Variants in BICDL2 observed in about 807,000 individuals in gnomAD.
BICDL2 encodes BICD family-like cargo adapter 2.
In BICDL2, 62 loss-of-function variants were observed where a neutral mutation model predicts 56.6. The observed-to-expected ratio is 1.10, with a 90% CI of 0.89 to 1.35. The LOEUF is 1.35. BICDL2 is among the 40% of genes most tolerant of loss of function. BICDL2 has a pLI of 0.00. For synonymous variants in BICDL2, 358 were observed against 319.8 expected (o/e 1.12, Z -1.27); for missense variants, 808 against 684.5 (o/e 1.18, Z -2.01).
chr16:3,036,346 G>C, intron 1 of BICDL2: 2 of 442,458 alleles, frequency 4.5e-6, no homozygotes, highest in Non-Finnish European at 4.5e-6. Flanking sequence ...CCTGGGGACG[G>C]GAGCCCTGGG....
chr16:3,029,590 G>C lies in BICDL2; in HGVS notation c.912C>G (p.Asp304Glu). Residue 304 changes from aspartate (D) to glutamate (E), a missense_variant, in exon 6 of 10, where the codon GAC (aspartate) becomes GAG (glutamate). Asp to Glu is a conservative substitution (Grantham distance 45). Transcript: ENST00000572449. The stretch of plus-strand genomic sequence containing the variant: ...CGGCGCCCTGGCCCTGGTCGCCGTC[G>C]TCGAGGCTGTGGGCCAGTTCTGACT... ...SLQSELAHSL[D>E]DGDQGQGADA... is the part of the protein sequence containing the mutation. 3.2e-6 allele frequency: 5 copies of C among 1,543,640 alleles called. No individual in the cohort carries two copies. The highest frequency in any genetic ancestry group is 4.4e-6 in the Non-Finnish European group (5 of 1,148,444).
At chr16:3,031,390 GA>G in intron 2 of BICDL2, 1 of 571,660 alleles carries the variant, frequency 1.7e-6, no homozygotes, top group Non-Finnish European at 3.1e-6. Context: ...GGGGTGGGGG[GA>G]TCTCTGATGA....
rs563454670 is a variant in BICDL2 at position 3,027,889 on chromosome 16, CT to C, written c.*216del. ...ACGTATATTAATTCGGAAAATAGCT[CT>C]GTTCACCTGCCCCTGCCACCCACCT... On this transcript the variant is annotated 3_prime_UTR_variant, in exon 10 of 10. Coordinates refer to ENST00000572449, the MANE Select transcript of BICDL2 (RefSeq NM_001369667.1). 4.2e-3 allele frequency: 3,452 copies of C among 824,198 alleles called. 12 individuals carry two copies. The highest frequency in any genetic ancestry group is 5.7e-3 in the Non-Finnish European group (3,178 of 561,736). The allele number at this position is 824,198 out of a possible 1,614,324, so 51.1% of individuals were successfully genotyped here.
rs1386871209 is a variant in BICDL2, at chr16:3,027,950, G to A, written c.*156C>T. The A allele has an allele frequency of 3.4e-6, 4 of 1,167,910 alleles. No individual in the cohort carries two copies. Among genetic ancestry groups the A allele is most frequent in the East Asian group, 2.9e-5 (1 of 33,938 alleles). The allele number at this position is 1,167,910 out of a possible 1,614,324, so 72.3% of individuals were successfully genotyped here. On this transcript the variant is annotated 3_prime_UTR_variant, in exon 10 of 10. Coordinates refer to ENST00000572449, the MANE Select transcript of BICDL2 (RefSeq NM_001369667.1). ...GCCCCACAAAGCTGGCCCCTGCTCC[G>A]GATGAGCCCCTGCTCCCGATGAGCC...
Position 3,035,346 on chromosome 16 carries a change from C to G in BICDL2, c.151G>C (p.Ala51Pro). Residue 51 changes from alanine (A) to proline (P), a missense_variant, in exon 2 of 10, where the codon GCC becomes CCC. Coordinates refer to ENST00000572449, the MANE Select transcript of BICDL2 (RefSeq NM_001369667.1). ...GPGPEEPEDLALQLQQKEKDL... is the reference protein window; with the variant it reads ...GPGPEEPEDLPLQLQQKEKDL... ...TTCTCCTTCTGCTGCAGCTGCAAGG[C>G]TAGGTCCTCGGGCTCCTCAGGCCCT... 1 of 1,600,122 alleles carries G rather than the reference C, an allele frequency of 6.2e-7. No individual in the cohort carries two copies. The highest frequency in any genetic ancestry group is 1.1e-5 in the South Asian group (1 of 89,040).
chr16:3,030,512 T>C lies in BICDL2; in HGVS notation c.699A>G (p.Arg233=), dbSNP rs535770990. 2.5e-6 allele frequency: 4 copies of C among 1,603,712 alleles called. No homozygotes were observed. In the African/African-American group the frequency reaches 4.0e-5, roughly 16 times the overall value. Residue 233 remains arginine, a synonymous_variant, in exon 5 of 10, where the codon AGA becomes AGG. Coordinates refer to ENST00000572449, the MANE Select transcript of BICDL2 (RefSeq NM_001369667.1). ...LREEVEKGEG[R]LQTTHEELLL... ...GCAACTCCTCGTGGGTGGTCTGCAG[T>C]CTGCCCTCACCCTTCTCCACCTCCT...
chr16:3,030,466 G>T lies in BICDL2; in HGVS notation c.745C>A (p.Arg249=). The T allele has an allele frequency of 6.2e-7, 1 of 1,601,608 alleles. No individual in the cohort carries two copies. ...EELLLLRRER[R]EHSLELERAR... Reference sequence around the variant, plus strand: ...CAGGTCACCTCCAGGCTGTGCTCCCGCCGCTCCCGCCTCAGCAGCAGCAAC... The same window carrying T: ...CAGGTCACCTCCAGGCTGTGCTCCCTCCGCTCCCGCCTCAGCAGCAGCAAC... Residue 249 remains arginine (R), a synonymous_variant, in exon 5 of 10, where the codon CGG becomes AGG. Transcript: ENST00000572449.
At position 3,035,177 on chromosome 16, in the gene BICDL2, G is replaced by GTCCCCCCCC; in HGVS notation, c.282+37_282+38insGGGGGGGGA. ...TCTCCAGGCCCACCCGTCCTCCCCT[G>GTCCCCCCCC]CCCACCCACCCACCCACCCCGTCCA... On this transcript the variant is annotated intron_variant, in intron 2 of 9. Transcript: ENST00000572449. 5.9e-5 allele frequency: 7 copies of GTCCCCCCCC among 118,826 alleles called. 1 individual carries two copies. Among genetic ancestry groups the GTCCCCCCCC allele is most frequent in the Admixed American group, 1.4e-4 (1 of 7,324 alleles). 7.4% of individuals were successfully genotyped at this position (118,826 alleles called of 1,614,324 possible). A position where few individuals can be genotyped will look rare whatever the true frequency, so the allele number is the denominator to read the frequency against.
chr16:3,028,658 C>G (rs748824558), intron 8 of BICDL2, 42 bp downstream of exon 8: 27 of 1,551,138 alleles, frequency 1.7e-5, no homozygotes, highest in East Asian at 2.4e-5. Flanking sequence ...CCCAGGAGGG[C>G]CCAGAGGGCG....
intron 2 of BICDL2, among the ~76,000 whole-genome samples, chr16:3,033,164 G>A (rs1296651031): frequency 6.6e-6 from 1 of 152,118 alleles, no homozygotes; most frequent in African/African-American, 2.4e-5. Flanking sequence ...AATTAGCTGG[G>A]CTTGGTGGCG....
rs764297433 is a variant in BICDL2, at chr16:3,028,403, A to G, written c.1304T>C (p.Leu435Pro). 7.7e-6 allele frequency: 12 copies of G among 1,554,096 alleles called. No homozygotes were observed. The highest frequency in any genetic ancestry group is 2.2e-4 in the Middle Eastern group (1 of 4,562). The change falls in exon 9 of 10, where the codon CTG (leucine) becomes CCG (proline). Residue 435 changes from leucine to proline, a missense_variant. Coordinates refer to ENST00000572449, the MANE Select transcript of BICDL2 (RefSeq NM_001369667.1). ...CACCTTCTGGCGGATGGCGCGCAGCAGCTCCCGAGACAGGGAGTCTCGCTC... is the reference window on the plus strand; with the variant it reads ...CACCTTCTGGCGGATGGCGCGCAGCGGCTCCCGAGACAGGGAGTCTCGCTC... Reference protein sequence around the residue: ...SLERDSLSRELLRAIRQKVAL... With the variant: ...SLERDSLSREPLRAIRQKVAL...
In BICDL2 at chr16:3,035,298, G is replaced by A; in HGVS notation, c.199C>T (p.Leu67Phe). The change falls in exon 2 of 10, where the codon CTC becomes TTC. Residue 67 changes from leucine to phenylalanine, a missense_variant. Physicochemically the swap from Leu to Phe is conservative, Grantham distance 22. Transcript: ENST00000572449. The stretch of plus-strand genomic sequence containing the variant: ...TTTCGCTCCAGAAGCATCTTGCCGA[G>A]CTCCGCGGCCAACAGCAGGTCTTTC... ...KEKDLLLAAE[L>F]GKMLLERNEE... The A allele has an allele frequency of 6.4e-7, 1 of 1,561,708 alleles. No individual in the cohort carries two copies. The highest frequency in any genetic ancestry group is 8.7e-7 in the Non-Finnish European group (1 of 1,153,240).
Position 3,027,757 on chromosome 16 carries a change from T to A in BICDL2, c.*349A>T. The A allele has an allele frequency of 7.4e-7, 1 of 1,345,002 alleles. No individual in the cohort carries two copies. The allele number at this position is 1,345,002 out of a possible 1,614,324, so 83.3% of individuals were successfully genotyped here. A position where few individuals can be genotyped will look rare whatever the true frequency, so the allele number is the denominator to read the frequency against. ...AAAGTTTCAGGCTTTTTTACCATGC[T>A]CTTTCTTTCTATGAATGGGGGCCAA... is the stretch of plus-strand genomic sequence containing the variant. On this transcript the variant is annotated 3_prime_UTR_variant, in exon 10 of 10. Transcript: ENST00000572449.
rs1955649208 is a variant in BICDL2, at chr16:3,031,166, C to T, written c.283-16G>A. On this transcript the variant is annotated splice_polypyrimidine_tract_variant and intron_variant, in intron 2 of 9. Transcript: ENST00000572449. ...GCTGGAGCCGCTGTGGGGGCCAGGGCAGAGGGACAGAGGCAGAGAGGCACC... is the reference window on the plus strand; with the variant it reads ...GCTGGAGCCGCTGTGGGGGCCAGGGTAGAGGGACAGAGGCAGAGAGGCACC... The T allele has an allele frequency of 6.5e-7, 1 of 1,531,590 alleles. No individual in the cohort carries two copies. Among genetic ancestry groups the T allele is most frequent in the Non-Finnish European group, 8.7e-7 (1 of 1,144,496 alleles). The allele number at this position is 1,531,590 out of a possible 1,614,324, so 94.9% of individuals were successfully genotyped here. A position where few individuals can be genotyped will look rare whatever the true frequency, so the allele number is the denominator to read the frequency against.
At chr16:3,032,338 A>G (rs2717712) in intron 2 of BICDL2, 49,370 of 152,186 alleles carry the variant, frequency 0.32, 8,397 homozygotes, top group Admixed American at 0.37. Context: ...GTCAGGTTCA[A>G]GGTCAGATTG....
intron 2 of BICDL2, among the ~76,000 whole-genome samples, chr16:3,033,630 A>G (rs1410082556): frequency 6.6e-6 from 1 of 152,018 alleles, no homozygotes; most frequent in Non-Finnish European, 1.5e-5. Flanking sequence ...AAAATGCAAA[A>G]ATTAGCCAGG....
chr16:3,036,603 C>T (rs1321695898), intron 1 of BICDL2: 1 of 451,398 alleles, frequency 2.2e-6, no homozygotes, highest in South Asian at 1.6e-5. Flanking sequence ...CCTCGCGGGC[C>T]CCGCTCCCCC....
Position 3,027,695 on chromosome 16 carries a change from GTGTTTTTCATTTTCTTTT to G in BICDL2, c.*393_*410del. 1.3e-6 allele frequency: 2 copies of G among 1,505,442 alleles called. No individual in the cohort carries two copies. The highest frequency in any genetic ancestry group is 1.8e-6 in the Non-Finnish European group (2 of 1,112,166). 93.3% of individuals were successfully genotyped at this position (1,505,442 alleles called of 1,614,324 possible). ...CCCCCAGCCAGCTCAGGGTTTTAGA[GTGTTTTTCATTTTCTTTT>G]TTTTTTTTTTTTTACAATAAAGTTT... On this transcript the variant is annotated 3_prime_UTR_variant, in exon 10 of 10. Transcript: ENST00000572449.
Position 3,030,531 on chromosome 16 carries a change from A to G in BICDL2, c.680T>C (p.Val227Ala). 1 of 1,599,914 alleles carries G rather than the reference A, an allele frequency of 6.3e-7. No homozygotes were observed. Among genetic ancestry groups the G allele is most frequent in the Non-Finnish European group, 8.5e-7 (1 of 1,177,816 alleles). Reference protein sequence around the residue: ...EAQIRGLREEVEKGEGRLQTT... With the variant: ...EAQIRGLREEAEKGEGRLQTT... ...CTGCAGTCTGCCCTCACCCTTCTCC[A>G]CCTCCTCACGCAGGCCTCGGATCTG... The change falls in exon 5 of 10, where the codon GTG (valine) becomes GCG (alanine). Residue 227 changes from valine to alanine, a missense_variant. Coordinates refer to ENST00000572449, the MANE Select transcript of BICDL2 (RefSeq NM_001369667.1).
Sources: allele counts gnomAD v4.1 joint callset (sites outside exome capture counted in the v4.1 genomes callset), GRCh38; gene constraint gnomAD v4.1.1; transcripts MANE v1.5; gene names NCBI Gene and HGNC (gene_info 2026-07-23, HGNC 2026-07-21).